SPACA1: variants seen among roughly 807,000 people sequenced by gnomAD.
SPACA1 encodes sperm acrosome associated 1, also known as sperm acrosome membrane-associated protein 1.
In SPACA1, 17 loss-of-function variants were observed where a neutral mutation model predicts 32.6. That is an observed-to-expected ratio of 0.52 (90% CI 0.36 to 0.78). The LOEUF is 0.78. Among genes scored for constraint, SPACA1 ranks in the 30% least tolerant of loss-of-function variants. SPACA1 has a pLI of 0.01. For synonymous variants in SPACA1, 140 were observed against 138.1 expected (o/e 1.01, Z -0.10); for missense variants, 363 against 373.4 (o/e 0.97, Z 0.23).
Position 88,049,679 on chromosome 6 carries a change from CTG to C in SPACA1, c.208+1570_208+1571del, listed in dbSNP as rs374978184. On this transcript the variant is annotated intron_variant, in intron 1 of 6. Transcript: ENST00000237201. ...AAGAATAAAGGGATAGTGAAAACAA[CTG>C]TGTTAGAAATTTCAAGAAGAATTTA... is the stretch of plus-strand genomic sequence containing the variant. 4.0e-3 allele frequency among the ~76,000 whole-genome samples: 614 copies of C among 152,124 alleles called. 4 individuals carry two copies. Among genetic ancestry groups the C allele is most frequent in the African/African-American group, 0.011 (441 of 41,514 alleles).
At chr6:88,058,107 A>C (rs1447054072) in intron 3 of SPACA1, among the ~76,000 whole-genome samples, 58 of 152,170 alleles carry the variant, frequency 3.8e-4, no homozygotes, top group Admixed American at 3.8e-3. Flanking sequence ...AAATTTCAGT[A>C]TCTCTAATGG....
intron 1 of SPACA1, among the ~76,000 whole-genome samples, chr6:88,049,759 T>TG (rs1263872528): frequency 2.0e-5 from 3 of 152,222 alleles, no homozygotes; most frequent in African/African-American, 7.2e-5. Flanking sequence ...TGAAGGTGTA[T>TG]GTACTCTAAC....
chr6:88,062,793 A>T (rs1775916104), intron 5 of SPACA1, among the ~76,000 whole-genome samples: 1 of 152,080 alleles, frequency 6.6e-6, no homozygotes, highest in Non-Finnish European at 1.5e-5. Flanking sequence ...CTAAAGAGAG[A>T]GGGGTCGGGG....
chr6:88,054,686 C>G (rs806434), intron 2 of SPACA1, among the ~76,000 whole-genome samples: 137,898 of 152,120 alleles, frequency 0.91, 62,741 homozygotes, highest in African/African-American at 0.97. Context: ...AGAGGGAAAA[C>G]GGGACAATTA....
intron 6 of SPACA1, among the ~76,000 whole-genome samples, chr6:88,065,152 T>C (rs180979828): frequency 3.2e-4 from 47 of 148,646 alleles, no homozygotes; most frequent in Non-Finnish European, 5.6e-4. Flanking sequence ...TATACACACA[T>C]ATATTTGAAC....
At chr6:88,047,603 G>A (rs1046935200), upstream of SPACA1, among the ~76,000 whole-genome samples, 6 of 152,242 alleles carry the variant, frequency 3.9e-5, no homozygotes, top group Non-Finnish European at 8.8e-5. Flanking sequence ...CACCCGGAAG[G>A]CTCAAGGAGG....
At chr6:88,057,773 T>A in intron 3 of SPACA1, 60 bp downstream of exon 3, 1 of 1,455,464 alleles carries the variant, frequency 6.9e-7, no homozygotes, top group Non-Finnish European at 9.6e-7. Context: ...GGGGAAATAT[T>A]TTTCACCTCA....
upstream of SPACA1, chr6:88,047,658 T>C (rs981963878): frequency 7.1e-5 from 30 of 425,470 alleles, 1 homozygote; most frequent in Middle Eastern, 6.2e-4. Flanking sequence ...GGCGGCGTCC[T>C]CTCCTAGGGA....
intron 6 of SPACA1, among the ~76,000 whole-genome samples, chr6:88,064,727 TATATATATGTAC>T (rs972971805): frequency 2.5e-4 from 38 of 149,844 alleles, no homozygotes; most frequent in Admixed American, 9.4e-4. Context: ...ATATATGTTT[TATATATATGTAC>T]ATATATATGT....
At chr6:88,063,113 AC>A (rs1306202204) in intron 5 of SPACA1, among the ~76,000 whole-genome samples, 4 of 152,154 alleles carry the variant, frequency 2.6e-5, no homozygotes, top group Non-Finnish European at 5.9e-5. Flanking sequence ...CATTTATAAA[AC>A]CTGTACAGTC....
chr6:88,061,099 C>T (rs1775890732), intron 5 of SPACA1, among the ~76,000 whole-genome samples: 1 of 152,124 alleles, frequency 6.6e-6, no homozygotes, highest in Admixed American at 6.5e-5. Context: ...AGAAATCAAA[C>T]AAATGTTTTG....
intron 5 of SPACA1, among the ~76,000 whole-genome samples, chr6:88,061,715 A>G (rs1279591546): frequency 1.5e-5 from 2 of 133,228 alleles, no homozygotes; most frequent in Non-Finnish European, 3.4e-5. Context: ...GAGACAATAC[A>G]TTTCTGTTGT....
At position 88,048,003 on chromosome 6, in the gene SPACA1, C is replaced by T. The variant is rs777430082; in HGVS notation, c.98C>T (p.Thr33Ile). The change falls in exon 1 of 7, where the codon ACC (threonine) becomes ATC (isoleucine). Residue 33 changes from threonine (T) to isoleucine (I), a missense_variant. Coordinates refer to ENST00000237201, the MANE Select transcript of SPACA1 (RefSeq NM_030960.3). ...CAGTCCGCGCGCGGGACCAACGTCA[C>T]CGCTGCCGTCCAGGATGCCGGCCTG... Reference protein sequence around the residue: ...GLQSARGTNVTAAVQDAGLAH... With the variant: ...GLQSARGTNVIAAVQDAGLAH... 1.0e-4 allele frequency: 163 copies of T among 1,585,156 alleles called. 2 individuals are homozygous for T. In the Middle Eastern group the frequency reaches 8.2e-3, roughly 80 times the overall value.
intron 1 of SPACA1, among the ~76,000 whole-genome samples, chr6:88,051,069 C>T (rs1303835868): frequency 6.6e-6 from 1 of 151,932 alleles, no homozygotes; most frequent in Non-Finnish European, 1.5e-5. Flanking sequence ...ATGGCGTGAA[C>T]CCAGGAGGTG....
intron 6 of SPACA1, among the ~76,000 whole-genome samples, 168 bp from the exon 7 acceptor site, chr6:88,066,014 T>C (rs1049541096): frequency 9.9e-5 from 15 of 151,986 alleles, no homozygotes; most frequent in Admixed American, 5.9e-4. Context: ...AGGTTATATG[T>C]ATTTGTATAT....
Position 88,057,620 on chromosome 6 carries a change from G to A in SPACA1, c.274G>A (p.Val92Ile). The part of the protein sequence containing the change: ...GMCTVTCGIG[V>I]REVILTNGCP... ...TAAATTTTAAACCAAAGGTATTGGT[G>A]TTAGAGAAGTTATATTAACAAATGG... Residue 92 changes from valine to isoleucine, a missense_variant, in exon 3 of 7, where the codon GTT becomes ATT. Coordinates refer to ENST00000237201, the MANE Select transcript of SPACA1 (RefSeq NM_030960.3). The A allele has an allele frequency of 6.2e-7, 1 of 1,612,844 alleles. No homozygotes were observed. The highest frequency in any genetic ancestry group is 8.5e-7 in the Non-Finnish European group (1 of 1,178,836).
rs1775859476 is a variant in SPACA1, at chr6:88,059,504, A to G, written c.526A>G (p.Ser176Gly). The part of the protein sequence containing the change: ...DSAILEVRKE[S>G]HPLAFECDTL... ...AGCAATCCTAGAAGTACGCAAGGAA[A>G]GTCACCCCTTGGCTTTCGAGTGTGA... The change falls in exon 5 of 7, where the codon AGT becomes GGT. Residue 176 changes from serine to glycine, a missense_variant. Transcript: ENST00000237201. 5 of 1,613,344 alleles carry G rather than the reference A, an allele frequency of 3.1e-6. No individual in the cohort carries two copies. The highest frequency in any genetic ancestry group is 1.3e-5 in the African/African-American group (1 of 74,912).
rs553145686 is a variant in SPACA1 at position 88,055,441 on chromosome 6, T to A, written c.265+1439T>A. ...TGGTAATAAGTTATAAGGAAAAAAATAAACTAGGAAAAGCAATATTTCATG... is the reference window on the plus strand; with the variant it reads ...TGGTAATAAGTTATAAGGAAAAAAAAAAACTAGGAAAAGCAATATTTCATG... On this transcript the variant is annotated intron_variant, in intron 2 of 6. Transcript: ENST00000237201. Among the ~76,000 whole-genome samples the A allele has an allele frequency of 3.9e-5, 6 of 152,126 alleles. No homozygotes were observed. In the South Asian group the frequency reaches 1.2e-3, roughly 32 times the overall value.
rs139124846 is a variant in SPACA1, at chr6:88,056,589, G to A, written c.266-1023G>A. Among the ~76,000 whole-genome samples the A allele has an allele frequency of 2.9e-3, 446 of 152,290 alleles. 1 individual carries two copies. Among genetic ancestry groups the A allele is most frequent in the African/African-American group, 0.01 (419 of 41,548 alleles). ...CAGCTGAATCAAAATTTGCATTTTA[G>A]TAAATCTCCAGGTGACTTGCATGCA... On this transcript the variant is annotated intron_variant, in intron 2 of 6. Coordinates refer to ENST00000237201, the MANE Select transcript of SPACA1 (RefSeq NM_030960.3).
Sources: gnomAD v4.1 joint callset for allele counts (sites outside exome capture counted in the v4.1 genomes callset) on GRCh38, gnomAD v4.1.1 for gene constraint, MANE v1.5 for transcripts, NCBI Gene and HGNC (gene_info 2026-07-23, HGNC 2026-07-21) for gene names.